AGBL1: variants seen among roughly 807,000 people sequenced by gnomAD.
AGBL1 encodes cytosolic carboxypeptidase 4.
AGBL1 carries 130 observed loss-of-function variants against 118.9 expected under a neutral mutation model. That is an observed-to-expected ratio of 1.09 (90% CI 0.95 to 1.26). The LOEUF is 1.26. Among genes scored for constraint, AGBL1 ranks in the 50% most tolerant of loss-of-function variants. The probability of loss-of-function intolerance (pLI) is 0.00; values close to 1 mark genes in which losing one functional copy is unlikely to be tolerated. For synonymous variants in AGBL1, 555 were observed against 478.9 expected, an observed-to-expected ratio of 1.16 and a Z score of -2.08; for missense variants, 1,584 against 1,298.1, an observed-to-expected ratio of 1.22 and a Z score of -3.38.
intron 22 of AGBL1, among the ~76,000 whole-genome samples, chr15:86,688,253 CT>C (rs1286248110): frequency 1.5e-4 from 22 of 151,594 alleles, no homozygotes; most frequent in Admixed American, 1.4e-3. Context: ...GATATTTAGA[CT>C]GAGAAAGAGG....
At chr15:86,332,507 G>A (rs750123443) in intron 17 of AGBL1, among the ~76,000 whole-genome samples, 9 of 151,982 alleles carry the variant, frequency 5.9e-5, no homozygotes, top group Non-Finnish European at 8.8e-5. Context: ...TTAGCTGGGC[G>A]TGGCAACAGG....
rs187727592 is a variant in AGBL1 at position 86,274,711 on chromosome 15, T to A, written c.2075+3005T>A. ...AGCCCTGGAATACGACAGTGATGAG[T>A]GGATAAGATTGCTGTACCATCATCT... On this transcript the variant is annotated intron_variant, in intron 15 of 22. Coordinates refer to ENST00000614907, the MANE Select transcript of AGBL1 (RefSeq NM_001386094.1). 3.9e-5 allele frequency among the ~76,000 whole-genome samples: 6 copies of A among 152,182 alleles called. No individual in the cohort carries two copies. In the East Asian group the frequency reaches 7.7e-4, roughly 20 times the overall value.
rs2081546834 is a variant in AGBL1, at chr15:87,010,437, G to T, written c.3324-18388G>T. On this transcript the variant is annotated intron_variant, in intron 24 of 24. Coordinates refer to the AGBL1 transcript ENST00000441037. ...TGTCTTTATCAGCAGGGTGAAAATG[G>T]ACTAATACACCACCCAACATGGATG... Among the ~76,000 whole-genome samples, 3 of 152,120 alleles carry T rather than the reference G, an allele frequency of 2.0e-5. No individual in the cohort carries two copies. The South Asian group carries it at 6.2e-4, about 32-fold the overall frequency.
At chr15:86,589,757 C>T (rs2084306136) in intron 21 of AGBL1, among the ~76,000 whole-genome samples, 2 of 152,170 alleles carry the variant, frequency 1.3e-5, no homozygotes, top group Admixed American at 6.5e-5. Context: ...TCCCTCCCAT[C>T]CTATCTATTA....
At chr15:86,114,174 CTT>C (rs769935420) in intron 1 of AGBL1, among the ~76,000 whole-genome samples, 13 of 152,218 alleles carry the variant, frequency 8.5e-5, no homozygotes, top group Admixed American at 2.0e-4. Flanking sequence ...TTAAGGGACT[CTT>C]TATATATAAC....
At chr15:86,809,001 T>C (rs915121784) in intron 22 of AGBL1, among the ~76,000 whole-genome samples, 4 of 152,198 alleles carry the variant, frequency 2.6e-5, no homozygotes, top group African/African-American at 7.2e-5. Flanking sequence ...CCCTATGGTT[T>C]CTTTCGTAAA....
At chr15:86,472,354 G>T (rs2082490096) in intron 18 of AGBL1, among the ~76,000 whole-genome samples, 1 of 152,104 alleles carries the variant, frequency 6.6e-6, no homozygotes. Flanking sequence ...TATGGCCTTA[G>T]GCTAAGATAT....
At position 86,891,066 on chromosome 15, in the gene AGBL1, A is replaced by T. The variant is rs181705631; in HGVS notation, c.3159-16021A>T. On this transcript the variant is annotated intron_variant, in intron 22 of 22. Transcript: ENST00000614907. ...TTTTCATTTGTTTGTGTCCTTTCTG[A>T]TTTCCTTGAGCAGTAGTTGAAGAAG... 7.2e-5 allele frequency among the ~76,000 whole-genome samples: 11 copies of T among 151,958 alleles called. No individual in the cohort carries two copies. The East Asian group carries it at 1.7e-3, about 24-fold the overall frequency.
chr15:86,926,912 G>A (rs1348926989), intron 23 of AGBL1, among the ~76,000 whole-genome samples: 3 of 152,080 alleles, frequency 2.0e-5, no homozygotes, highest in Non-Finnish European at 2.9e-5. Flanking sequence ...AGGCCAAGGC[G>A]GGTGGATCCC....
chr15:86,229,336 G>A lies in AGBL1; in HGVS notation c.526+4385G>A, dbSNP rs1429657656. 2.6e-5 allele frequency among the ~76,000 whole-genome samples: 4 copies of A among 152,082 alleles called. No individual in the cohort carries two copies. The East Asian group carries it at 7.7e-4, about 29-fold the overall frequency. On this transcript the variant is annotated intron_variant, in intron 6 of 22. Transcript: ENST00000614907. ...TCATGGCAGAAGGGGAAGCAAACAT[G>A]TCCTTCTTCACATGGCAATAGCAAG...
chr15:87,007,322 T>C (rs1428804795), intron 24 of AGBL1, among the ~76,000 whole-genome samples: 1 of 152,190 alleles, frequency 6.6e-6, no homozygotes, highest in African/African-American at 2.4e-5. Context: ...AAATGATCCA[T>C]ATTAGATACA....
chr15:86,739,843 C>T (rs1282964465), intron 22 of AGBL1, among the ~76,000 whole-genome samples: 1 of 152,126 alleles, frequency 6.6e-6, no homozygotes, highest in Non-Finnish European at 1.5e-5. Flanking sequence ...GGTTTTGTGA[C>T]ACTAAGTTTA....
At chr15:86,758,738 G>A (rs889271570) in intron 22 of AGBL1, among the ~76,000 whole-genome samples, 4 of 151,866 alleles carry the variant, frequency 2.6e-5, no homozygotes, top group African/African-American at 9.7e-5. Context: ...TTGGGAGGCC[G>A]AGGTGAGCTG....
At chr15:86,618,541 A>G (rs986175456) in intron 21 of AGBL1, among the ~76,000 whole-genome samples, 15 of 152,234 alleles carry the variant, frequency 9.9e-5, no homozygotes, top group African/African-American at 3.4e-4. Context: ...GATGAGGCCT[A>G]GGGAATCTGC....
intron 23 of AGBL1, among the ~76,000 whole-genome samples, chr15:86,958,221 AAAAG>A (rs1343047493): frequency 1.3e-5 from 2 of 151,232 alleles, no homozygotes. Flanking sequence ...AAAAAAAAAA[AAAAG>A]AAAAGAAAAT....
chr15:86,196,038 C>T (rs368400249), intron 5 of AGBL1, among the ~76,000 whole-genome samples: 1 of 152,038 alleles, frequency 6.6e-6, no homozygotes, highest in Non-Finnish European at 1.5e-5. Flanking sequence ...TTTTAAAAAC[C>T]ATAGGATATC....
intron 18 of AGBL1, among the ~76,000 whole-genome samples, chr15:86,470,382 G>T (rs2142100856): frequency 6.6e-6 from 1 of 152,206 alleles, no homozygotes; most frequent in Admixed American, 6.5e-5. Flanking sequence ...GATTGTAATT[G>T]CATGGATTAA....
intron 21 of AGBL1, among the ~76,000 whole-genome samples, chr15:86,664,416 A>G (rs1015541531): frequency 6.6e-6 from 1 of 152,190 alleles, no homozygotes; most frequent in Non-Finnish European, 1.5e-5. Context: ...TGTTGGGTAC[A>G]TGTCAAGGCA....
chr15:86,418,101 C>T (rs2081725274), intron 18 of AGBL1, among the ~76,000 whole-genome samples: 1 of 152,144 alleles, frequency 6.6e-6, no homozygotes, highest in South Asian at 2.1e-4. Context: ...ATCTGCTATC[C>T]ATTTCATTTG....
Sources: allele counts gnomAD v4.1 joint callset (sites outside exome capture counted in the v4.1 genomes callset), GRCh38; gene constraint gnomAD v4.1.1; transcripts MANE v1.5; gene names NCBI Gene and HGNC (gene_info 2026-07-23, HGNC 2026-07-21).